POGLUT1: variants seen among roughly 807,000 people sequenced by gnomAD.
The protein encoded by POGLUT1 is protein O-glucosyltransferase 1.
A neutral mutation model predicts 61.3 loss-of-function variants in POGLUT1; 32 were observed. The ratio of observed to expected loss-of-function variants is 0.52; its 90% CI spans 0.39 to 0.70. The LOEUF is 0.70. Among genes scored for constraint, POGLUT1 ranks in the 30% least tolerant of loss-of-function variants. The probability of loss-of-function intolerance (pLI) is 0.00; values close to 1 mark genes in which losing one functional copy is unlikely to be tolerated. For synonymous variants in POGLUT1, 158 were observed against 158.2 expected (o/e 1.00, Z 0.01); for missense variants, 411 against 469.8 (o/e 0.87, Z 1.16).
chr3:119,478,090 T>C (rs2081561026), intron 4 of POGLUT1: 1 of 332,186 alleles, frequency 3.0e-6, no homozygotes. Context: ...TTGTCAGTGC[T>C]CAGGTTCATG....
At chr3:119,490,444 G>C (rs1303266555) in intron 8 of POGLUT1, 107 bp from the exon 9 acceptor site, 1 of 953,180 alleles carries the variant, frequency 1.0e-6, no homozygotes, top group Admixed American at 2.0e-5. Flanking sequence ...AAAGAGAATG[G>C]AGAGGAATCA....
chr3:119,476,939 A>G (rs1483780119), intron 3 of POGLUT1, among the ~76,000 whole-genome samples: 3 of 152,232 alleles, frequency 2.0e-5, no homozygotes, highest in African/African-American at 7.2e-5. Flanking sequence ...AAAATTAGCT[A>G]TTTCAGCTAT....
rs868836140 is a variant in POGLUT1 at position 119,474,558 on chromosome 3, G to A, written c.321-2755G>A. On this transcript the variant is annotated intron_variant, in intron 3 of 10. Coordinates refer to ENST00000295588, the MANE Select transcript of POGLUT1 (RefSeq NM_152305.3). ...TATATTTGAAAAGCCAAATGTGGCC[G>A]GGCATGGTGGATCACACCTGTAATC... Among the ~76,000 whole-genome samples, 29 of 152,214 alleles carry A rather than the reference G, an allele frequency of 1.9e-4. No individual in the cohort carries two copies. The Middle Eastern group carries it at 0.017, about 89-fold the overall frequency.
intron 5 of POGLUT1, among the ~76,000 whole-genome samples, chr3:119,482,180 T>C (rs923624459): frequency 1.2e-4 from 19 of 152,258 alleles, no homozygotes; most frequent in African/African-American, 4.6e-4. Flanking sequence ...ACATTCTTCT[T>C]TTTGTAGCTC....
intron 6 of POGLUT1, 75 bp downstream of exon 6, chr3:119,485,462 C>A: frequency 1.1e-6 from 1 of 949,924 alleles, no homozygotes; most frequent in Non-Finnish European, 1.7e-6. Context: ...GAGGGTATGA[C>A]AAGCTCTGTA....
At chr3:119,469,174 C>T in intron 1 of POGLUT1, 68 bp downstream of exon 1, 1 of 1,277,532 alleles carries the variant, frequency 7.8e-7, no homozygotes, top group South Asian at 1.3e-5. Flanking sequence ...GAGGCGCTCC[C>T]CCGCGCGGCC....
chr3:119,485,178 C>T lies in POGLUT1; in HGVS notation c.579-150C>T, dbSNP rs1306591583. On this transcript the variant is annotated intron_variant, in intron 5 of 10. Transcript: ENST00000295588. ...CTTGCAGTCAGCCAAGATCGCGCCA[C>T]TGCACTCCAGCCTGGACGACAGTGC... The T allele has an allele frequency of 1.0e-5, 5 of 476,806 alleles. No individual in the cohort carries two copies. The East Asian group carries it at 1.5e-4, about 14-fold the overall frequency. 29.5% of individuals were successfully genotyped at this position (476,806 alleles called of 1,614,324 possible). A position where few individuals can be genotyped will look rare whatever the true frequency, so the allele number is the denominator to read the frequency against.
intron 1 of POGLUT1, 55 bp downstream of exon 1, chr3:119,469,161 C>A: frequency 7.2e-7 from 1 of 1,381,052 alleles, no homozygotes; most frequent in Non-Finnish European, 1.0e-6. Flanking sequence ...TGGCCGGAGT[C>A]CCGAGGCGCT....
At position 119,493,190 on chromosome 3, in the gene POGLUT1, AC is replaced by A. The variant is rs2081774562; in HGVS notation, c.*753del. ...AAAGCCTCTTAATAAATTTAATGGAACTATACATAGAACAGCAGCTCTTCCT... is the reference window on the plus strand; with the variant it reads ...AAAGCCTCTTAATAAATTTAATGGAATATACATAGAACAGCAGCTCTTCCT... On this transcript the variant is annotated 3_prime_UTR_variant, in exon 11 of 11. Transcript: ENST00000295588. The A allele has an allele frequency of 1.3e-5, 2 of 151,760 alleles. No individual in the cohort carries two copies. Among genetic ancestry groups the A allele is most frequent in the Non-Finnish European group, 2.9e-5 (2 of 67,928 alleles). The allele number at this position is 151,760 out of a possible 1,614,324, so 9.4% of individuals were successfully genotyped here. A position where few individuals can be genotyped will look rare whatever the true frequency, so the allele number is the denominator to read the frequency against.
chr3:119,491,946 C>G lies in POGLUT1; in HGVS notation c.1023-336C>G, dbSNP rs563104708. Among the ~76,000 whole-genome samples, 3 of 152,078 alleles carry G rather than the reference C, an allele frequency of 2.0e-5. No individual in the cohort carries two copies. The East Asian group carries it at 5.8e-4, about 29-fold the overall frequency. ...GTGCGTGCCTGTAATCCCAGCTACT[C>G]GGGAGGCTGAGGCAGGAGAATCACT... On this transcript the variant is annotated intron_variant, in intron 10 of 10. Transcript: ENST00000295588.
At chr3:119,469,155 C>T (rs770333513) in intron 1 of POGLUT1, 49 bp downstream of exon 1, 4 of 1,440,782 alleles carry the variant, frequency 2.8e-6, no homozygotes, top group South Asian at 2.4e-5. Flanking sequence ...GGGGTCTGGC[C>T]GGAGTCCCGA....
chr3:119,490,690 C>G lies in POGLUT1; in HGVS notation c.937C>G (p.Pro313Ala). The G allele has an allele frequency of 6.2e-7, 1 of 1,614,002 alleles. No individual in the cohort carries two copies. The highest frequency in any genetic ancestry group is 8.5e-7 in the Non-Finnish European group (1 of 1,179,966). The change falls in exon 9 of 11, where the codon CCA (proline) becomes GCA (alanine). Residue 313 changes from proline (P) to alanine (A), a missense_variant. Pro to Ala is a conservative substitution (Grantham distance 27). Transcript: ENST00000295588. ...PQLKPWVHYI[P>A]VKTDLSNVQE... ...GCTGAAGCCATGGGTTCACTATATCCCAGTCAAAACAGATCTCTCCAATGT... is the reference window on the plus strand; with the variant it reads ...GCTGAAGCCATGGGTTCACTATATCGCAGTCAAAACAGATCTCTCCAATGT...
At chr3:119,486,722 C>T (rs2081668480) in intron 6 of POGLUT1, 111 bp from the exon 7 acceptor site, 6 of 766,378 alleles carry the variant, frequency 7.8e-6, no homozygotes, top group Non-Finnish European at 9.3e-6. Flanking sequence ...AGTGAATTGT[C>T]CACTTGTGCA....
intron 4 of POGLUT1, among the ~76,000 whole-genome samples, chr3:119,479,265 T>C (rs1051508412): frequency 8.5e-5 from 13 of 152,114 alleles, no homozygotes; most frequent in Non-Finnish European, 4.4e-5. Flanking sequence ...ATAACACCCC[T>C]TCTCATTTTG....
chr3:119,484,739 C>T (rs1048211527), intron 5 of POGLUT1, among the ~76,000 whole-genome samples: 2 of 152,198 alleles, frequency 1.3e-5, no homozygotes, highest in Non-Finnish European at 2.9e-5. Context: ...AAATTATAAA[C>T]AGACCTAATC....
At chr3:119,475,354 T>C (rs1349906914) in intron 3 of POGLUT1, among the ~76,000 whole-genome samples, 1 of 152,260 alleles carries the variant, frequency 6.6e-6, no homozygotes, top group African/African-American at 2.4e-5. Flanking sequence ...TTCAGCCCTC[T>C]ATCAGTGGAC....
chr3:119,468,963 G>A lies in POGLUT1; in HGVS notation c.-59G>A. On this transcript the variant is annotated 5_prime_UTR_variant, in exon 1 of 11. The change creates a new upstream start codon in the 5' untranslated region. Coordinates refer to ENST00000295588, the MANE Select transcript of POGLUT1 (RefSeq NM_152305.3). ...GTGCTGCGGCTCCCGGGCCATCTTT[G>A]TGCGGGGCCGCGCTTCCGCCAGCGC... 1 of 1,471,144 alleles carries A rather than the reference G, an allele frequency of 6.8e-7. No homozygotes were observed. The highest frequency in any genetic ancestry group is 9.3e-7 in the Non-Finnish European group (1 of 1,077,208). 91.1% of individuals were successfully genotyped at this position (1,471,144 alleles called of 1,614,324 possible).
intron 1 of POGLUT1, chr3:119,469,350 C>A: frequency 1.7e-6 from 1 of 582,054 alleles, no homozygotes. Flanking sequence ...GGGAATTCCC[C>A]GTTCACCCGC....
At chr3:119,472,292 ACAAT>A (rs945762896) in intron 3 of POGLUT1, among the ~76,000 whole-genome samples, 7 of 152,302 alleles carry the variant, frequency 4.6e-5, no homozygotes, top group Non-Finnish European at 7.4e-5. Flanking sequence ...ATCTTTCTAA[ACAAT>A]CCCTATTCTG....
Sources: allele counts gnomAD v4.1 joint callset (sites outside exome capture counted in the v4.1 genomes callset), GRCh38; gene constraint gnomAD v4.1.1; transcripts MANE v1.5; gene names NCBI Gene and HGNC (gene_info 2026-07-23, HGNC 2026-07-21).